IQSEC1: variants seen among roughly 807,000 people sequenced by gnomAD.
The protein encoded by IQSEC1 is IQ motif and Sec7 domain ArfGEF 1, also known as IQ motif and SEC7 domain-containing protein 1.
Under a neutral mutation model 91.0 loss-of-function variants are expected in IQSEC1, and 31 were observed. The ratio of observed to expected loss-of-function variants is 0.34; its 90% CI spans 0.26 to 0.46. IQSEC1 has a LOEUF of 0.46. IQSEC1 is among the 20% of genes least tolerant of loss of function. The pLI, the probability that IQSEC1 is intolerant of heterozygous loss-of-function variation, is 1.00. For missense variants in IQSEC1, 1,388 were observed against 1,575.6 expected (o/e 0.88, Z 2.02); for synonymous variants, 699 against 662.6 (o/e 1.05, Z -0.84).
At chr3:12,920,673 C>G in intron 5 of IQSEC1, 77 bp from the exon 6 acceptor site, 1 of 1,469,198 alleles carries the variant, frequency 6.8e-7, no homozygotes. Context: ...CTGAGGCTGT[C>G]ATGTGCCGCT....
Position 13,073,171 on chromosome 3 carries a change from GAGGCTGGGGC to G in IQSEC1, c.-167_-158del. The G allele has an allele frequency of 5.3e-6, 4 of 754,142 alleles. No homozygotes were observed. The highest frequency in any genetic ancestry group is 8.6e-6 in the Non-Finnish European group (4 of 462,506). The allele number at this position is 754,142 out of a possible 1,614,324, so 46.7% of individuals were successfully genotyped here. On this transcript the variant is annotated 5_prime_UTR_variant, in exon 1 of 14. Transcript: ENST00000613206. ...CCCGGGGGTGGCGGGCTCCTCCAGG[GAGGCTGGGGC>G]GGGAGCGGGGGGCGGCGCCAGCAGC...
intron 1 of IQSEC1, among the ~76,000 whole-genome samples, chr3:13,231,643 C>T (rs966807078): frequency 5.3e-5 from 8 of 152,182 alleles, no homozygotes; most frequent in Non-Finnish European, 8.8e-5. Flanking sequence ...CTATTATTCT[C>T]TATAAAATGG....
At chr3:13,236,782 A>T (rs1051626974) in intron 1 of IQSEC1, among the ~76,000 whole-genome samples, 1 of 152,228 alleles carries the variant, frequency 6.6e-6, no homozygotes, top group Non-Finnish European at 1.5e-5. Flanking sequence ...CTACGCTGCC[A>T]TCAGCCTCCA....
At chr3:13,140,251 C>A (rs1706778476) in intron 2 of IQSEC1, among the ~76,000 whole-genome samples, 1 of 152,178 alleles carries the variant, frequency 6.6e-6, no homozygotes, top group African/African-American at 2.4e-5. Flanking sequence ...ATGTCTCAGT[C>A]CCCTACCAAG....
intron 2 of IQSEC1, among the ~76,000 whole-genome samples, chr3:12,938,641 C>A (rs1366451716): frequency 1.3e-5 from 2 of 152,128 alleles, no homozygotes; most frequent in African/African-American, 4.8e-5. Flanking sequence ...GCCCCTGGGG[C>A]CCATAAGAGG....
rs559743687 is a variant in IQSEC1 at position 13,010,102 on chromosome 3, T to C, written c.23+62890A>G. On this transcript the variant is annotated intron_variant, in intron 1 of 13. Coordinates refer to ENST00000613206, the MANE Select transcript of IQSEC1 (RefSeq NM_001134382.3). The stretch of plus-strand genomic sequence containing the variant: ...CATAACAAACTCTACCTCACGGGGC[T>C]GACCCGAAGGGATGATGCATAGCAG... Among the ~76,000 whole-genome samples, 4 of 152,350 alleles carry C rather than the reference T, an allele frequency of 2.6e-5. No homozygotes were observed. In the East Asian group the frequency reaches 5.8e-4, roughly 22 times the overall value.
At chr3:13,157,236 C>T (rs1707099250) in intron 2 of IQSEC1, among the ~76,000 whole-genome samples, 1 of 152,218 alleles carries the variant, frequency 6.6e-6, no homozygotes, top group South Asian at 2.1e-4. Flanking sequence ...CATTAGTAGA[C>T]TCCCTTGCCC....
chr3:13,117,390 T>C (rs1706352783), intron 2 of IQSEC1, among the ~76,000 whole-genome samples: 1 of 148,392 alleles, frequency 6.7e-6, no homozygotes, highest in African/African-American at 2.5e-5. Flanking sequence ...ATCGAGATCA[T>C]CCTGGCCAAC....
chr3:13,069,259 C>T lies in IQSEC1; in HGVS notation c.23+3733G>A, dbSNP rs140464021. 4.7e-4 allele frequency among the ~76,000 whole-genome samples: 71 copies of T among 152,298 alleles called. 1 individual carries two copies. In the East Asian group the frequency reaches 0.013, roughly 27 times the overall value. On this transcript the variant is annotated intron_variant, in intron 1 of 13. Coordinates refer to ENST00000613206, the MANE Select transcript of IQSEC1 (RefSeq NM_001134382.3). ...TCCGGTTCCCTCCCTGCATCTCTCT[C>T]GGTGGGCTGGGGCTGCTCTTCCCTG...
rs754845608 is a variant in IQSEC1, at chr3:12,897,117, G to A, written c.*3866C>T. ...TCAGTCCAATGTCTTCAAGGAAAGTGAGTGCCCAGAGTCACAACAAGTAAT... is the reference window on the plus strand; with the variant it reads ...TCAGTCCAATGTCTTCAAGGAAAGTAAGTGCCCAGAGTCACAACAAGTAAT... On this transcript the variant is annotated 3_prime_UTR_variant, in exon 14 of 14. Transcript: ENST00000613206. 1.3e-5 allele frequency: 2 copies of A among 152,214 alleles called. No homozygotes were observed. Among genetic ancestry groups the A allele is most frequent in the African/African-American group, 2.4e-5 (1 of 41,448 alleles). 9.4% of individuals were successfully genotyped at this position (152,214 alleles called of 1,614,324 possible).
intron 1 of IQSEC1, among the ~76,000 whole-genome samples, chr3:13,249,656 A>C (rs1384803777): frequency 3.3e-5 from 5 of 152,092 alleles, no homozygotes; most frequent in Admixed American, 1.3e-4. Flanking sequence ...GTGTGACCCT[A>C]GGCAAACCAC....
chr3:13,020,690 T>C (rs963206473), intron 1 of IQSEC1, among the ~76,000 whole-genome samples: 3 of 152,158 alleles, frequency 2.0e-5, no homozygotes, highest in Non-Finnish European at 2.9e-5. Context: ...AGAGATGAGG[T>C]CTTACTGTGT....
chr3:12,975,087 G>A (rs766907504), intron 1 of IQSEC1, among the ~76,000 whole-genome samples: 2 of 152,228 alleles, frequency 1.3e-5, no homozygotes, highest in Non-Finnish European at 2.9e-5. Flanking sequence ...CCTTTCAGGC[G>A]CAGTGTGAGG....
intron 1 of IQSEC1, among the ~76,000 whole-genome samples, chr3:13,023,592 G>A (rs1703493781): frequency 6.6e-6 from 1 of 152,100 alleles, no homozygotes. Context: ...CAGGGAGGGT[G>A]GGGCCAGGGC....
chr3:12,902,390 T>C (rs575672107), intron 13 of IQSEC1, among the ~76,000 whole-genome samples: 2 of 149,340 alleles, frequency 1.3e-5, no homozygotes, highest in East Asian at 4.0e-4. Context: ...GGAGGGTGAG[T>C]GGGAGCCGGG....
intron 1 of IQSEC1, among the ~76,000 whole-genome samples, chr3:13,007,102 G>A (rs964491635): frequency 7.9e-5 from 12 of 152,268 alleles, no homozygotes; most frequent in Non-Finnish European, 1.6e-4. Context: ...AGTGGTAGGG[G>A]TGCCCCTAAT....
At chr3:13,121,317 C>T (rs1018115935) in intron 2 of IQSEC1, among the ~76,000 whole-genome samples, 4 of 152,204 alleles carry the variant, frequency 2.6e-5, no homozygotes, top group Admixed American at 6.5e-5. Flanking sequence ...TCTGTCTCAC[C>T]TCCTCCTCCC....
At chr3:13,010,182 T>C (rs1356314401) in intron 1 of IQSEC1, among the ~76,000 whole-genome samples, 1 of 152,220 alleles carries the variant, frequency 6.6e-6, no homozygotes, top group Non-Finnish European at 1.5e-5. Flanking sequence ...AGTGGCGGAA[T>C]GACCAGCCCA....
intron 2 of IQSEC1, among the ~76,000 whole-genome samples, chr3:13,131,014 G>T (rs1706604735): frequency 7.0e-6 from 1 of 141,882 alleles, no homozygotes; most frequent in Admixed American, 6.9e-5. Context: ...GGGAAGGAAG[G>T]AACGGAAGGG....
Sources: gnomAD v4.1 joint callset for allele counts (sites outside exome capture counted in the v4.1 genomes callset) on GRCh38, gnomAD v4.1.1 for gene constraint, MANE v1.5 for transcripts, NCBI Gene and HGNC (gene_info 2026-07-23, HGNC 2026-07-21) for gene names.